The following DNAAF11 variants were observed in gnomAD, a reference collection of about 807,000 sequenced individuals.
The protein encoded by DNAAF11 is dynein axonemal assembly factor 11, also known as leucine rich repeat containing 6.
DNAAF11 carries 45 observed loss-of-function variants against 60.8 expected under a neutral mutation model. The ratio of observed to expected loss-of-function variants is 0.74; its 90% CI spans 0.58 to 0.95. The LOEUF (loss-of-function observed/expected upper bound fraction) is 0.95, where lower values mean the gene tolerates loss of function less well. Ranked by LOEUF, DNAAF11 falls within the 40% of genes least tolerant of loss-of-function variation. The pLI, the probability that DNAAF11 is intolerant of heterozygous loss-of-function variation, is 0.00. For synonymous variants in DNAAF11, 191 were observed against 183.5 expected, an observed-to-expected ratio of 1.04 and a Z score of -0.33; for missense variants, 546 against 546.2, an observed-to-expected ratio of 1.00 and a Z score of 0.00.
chr8:132,684,617 T>C, the DNAAF11 span, among the ~76,000 whole-genome samples: 1 of 152,198 alleles, frequency 6.6e-6, no homozygotes, highest in Non-Finnish European at 1.5e-5. Context: ...ATTGTTGGAC[T>C]AACCACTGTG....
chr8:132,665,181 ATTG>A (rs1435335527), intron 1 of DNAAF11, among the ~76,000 whole-genome samples: 1 of 152,122 alleles, frequency 6.6e-6, no homozygotes, highest in East Asian at 1.9e-4. Context: ...CGCTGAGGAA[ATTG>A]TTGTTACACA....
the DNAAF11 span, among the ~76,000 whole-genome samples, chr8:132,683,467 T>G: frequency 6.6e-6 from 1 of 152,298 alleles, no homozygotes; most frequent in Admixed American, 6.5e-5. Flanking sequence ...CAGCTGCTCT[T>G]GTATGGGCAC....
At chr8:132,662,817 T>C (rs1054963431) in intron 1 of DNAAF11, among the ~76,000 whole-genome samples, 1 of 152,168 alleles carries the variant, frequency 6.6e-6, no homozygotes, top group African/African-American at 2.4e-5. Flanking sequence ...AGGTGCAGAC[T>C]CCTCTAGCTG....
chr8:132,590,554 T>C (rs1409639747), intron 10 of DNAAF11, among the ~76,000 whole-genome samples: 1 of 152,234 alleles, frequency 6.6e-6, no homozygotes, highest in Non-Finnish European at 1.5e-5. Flanking sequence ...ATTTTGATAC[T>C]CAAGTGTTTC....
intron 3 of DNAAF11, among the ~76,000 whole-genome samples, chr8:132,650,031 G>A: frequency 6.6e-6 from 1 of 152,158 alleles, no homozygotes; most frequent in Non-Finnish European, 1.5e-5. Flanking sequence ...TATACCCAAA[G>A]GATTATAAAT....
intron 10 of DNAAF11, among the ~76,000 whole-genome samples, chr8:132,602,908 C>T (rs1028380155): frequency 6.6e-6 from 1 of 152,066 alleles, no homozygotes; most frequent in South Asian, 2.1e-4. Context: ...CACTCAAGCT[C>T]AAGTCCAAGT....
At chr8:132,679,420 G>A (rs190948209), upstream of DNAAF11, among the ~76,000 whole-genome samples, 8 of 152,318 alleles carry the variant, frequency 5.3e-5, no homozygotes, top group East Asian at 1.3e-3. Context: ...CCACAGAGGT[G>A]TCCCTGTTGT....
rs1019981311 is a variant in DNAAF11, at chr8:132,622,828, C to A, written c.837-140G>T. On this transcript the variant is annotated intron_variant, in intron 6 of 11. Transcript: ENST00000620350. ...ACTTTTACGAACACATCAACAATTCCTTGTTCTTAAGTCCATTCCTTTAAT... is the reference window on the plus strand; with the variant it reads ...ACTTTTACGAACACATCAACAATTCATTGTTCTTAAGTCCATTCCTTTAAT... 6.3e-5 allele frequency: 40 copies of A among 636,036 alleles called. No homozygotes were observed. In the East Asian group the frequency reaches 9.2e-4, roughly 15 times the overall value. The allele number at this position is 636,036 out of a possible 1,614,324, so 39.4% of individuals were successfully genotyped here.
intron 5 of DNAAF11, among the ~76,000 whole-genome samples, chr8:132,629,929 A>G (rs1488573578): frequency 6.6e-6 from 1 of 152,226 alleles, no homozygotes; most frequent in African/African-American, 2.4e-5. Context: ...AGAAATAAAT[A>G]CAATGAAAGA....
At chr8:132,622,868 T>G in intron 6 of DNAAF11, 180 bp from the exon 7 acceptor site, 1 of 550,638 alleles carries the variant, frequency 1.8e-6, no homozygotes, top group Non-Finnish European at 3.2e-6. Context: ...TGCTGGGAAC[T>G]GACAATCAAG....
chr8:132,596,365 C>A (rs1030027505), intron 10 of DNAAF11, among the ~76,000 whole-genome samples: 4 of 152,058 alleles, frequency 2.6e-5, no homozygotes, highest in Non-Finnish European at 4.4e-5. Flanking sequence ...TCAACTGATT[C>A]CTTCAAAATT....
rs905491963 is a variant in DNAAF11, at chr8:132,618,924, G to T, written c.914+3687C>A. ...AGGGATCTAGAACTAGAAATACCAT[G>T]TGACCCAGCCATCCCATTACTGGAT... On this transcript the variant is annotated intron_variant, in intron 7 of 11. Transcript: ENST00000620350. 1.3e-3 allele frequency among the ~76,000 whole-genome samples: 197 copies of T among 152,050 alleles called. 1 individual carries two copies. Among genetic ancestry groups the T allele is most frequent in the Middle Eastern group, 3.4e-3 (1 of 294 alleles).
At chr8:132,655,304 G>A (rs1457122238) in intron 3 of DNAAF11, among the ~76,000 whole-genome samples, 1 of 151,854 alleles carries the variant, frequency 6.6e-6, no homozygotes, top group Non-Finnish European at 1.5e-5. Flanking sequence ...TGGCTTTCCT[G>A]GTGTATTCTA....
intron 3 of DNAAF11, among the ~76,000 whole-genome samples, chr8:132,652,625 G>T (rs1443462379): frequency 6.6e-6 from 1 of 152,172 alleles, no homozygotes; most frequent in Non-Finnish European, 1.5e-5. Flanking sequence ...AAAAGGGTGA[G>T]TTCATGTCCT....
At chr8:132,679,016 C>T (rs1825827570), upstream of DNAAF11, among the ~76,000 whole-genome samples, 1 of 152,114 alleles carries the variant, frequency 6.6e-6, no homozygotes, top group Non-Finnish European at 1.5e-5. Flanking sequence ...GCGCTCAACA[C>T]TGCCCATGTA....
upstream of DNAAF11, chr8:132,675,701 C>T (rs1221146288): frequency 6.7e-6 from 3 of 450,766 alleles, no homozygotes; most frequent in African/African-American, 6.1e-5. Context: ...AGGGGCTCAG[C>T]AGACAGGGGT....
At chr8:132,578,698 T>A (rs1815018861) in intron 11 of DNAAF11, among the ~76,000 whole-genome samples, 1 of 152,146 alleles carries the variant, frequency 6.6e-6, no homozygotes, top group Admixed American at 6.5e-5. Context: ...GACTCCCACC[T>A]CCCACTGAAA....
chr8:132,630,764 A>T (rs992477116), intron 5 of DNAAF11, among the ~76,000 whole-genome samples: 1 of 152,160 alleles, frequency 6.6e-6, no homozygotes, highest in African/African-American at 2.4e-5. Context: ...CATATAAAAG[A>T]TATTTAAAAT....
At chr8:132,623,128 A>G (rs2130283013) in intron 6 of DNAAF11, among the ~76,000 whole-genome samples, 1 of 152,348 alleles carries the variant, frequency 6.6e-6, no homozygotes, top group African/African-American at 2.4e-5. Context: ...TAAAAATACC[A>G]GCACAGAAGA....
Sources: gnomAD v4.1 joint callset for allele counts (sites outside exome capture counted in the v4.1 genomes callset) on GRCh38, gnomAD v4.1.1 for gene constraint, MANE v1.5 for transcripts, NCBI Gene and HGNC (gene_info 2026-07-23, HGNC 2026-07-21) for gene names.